Variants in LRP1B observed in about 807,000 individuals in gnomAD.
LRP1B encodes LDL receptor related protein 1B, also known as low-density lipoprotein receptor-related protein 1B.
In LRP1B, 217 loss-of-function variants were observed where a neutral mutation model predicts 556.6. The ratio of observed to expected loss-of-function variants is 0.39; its 90% confidence interval spans 0.35 to 0.44. The LOEUF (loss-of-function observed/expected upper bound fraction) is 0.44, where lower values mean the gene tolerates loss of function less well. Ranked by LOEUF, LRP1B falls within the 20% of genes least tolerant of loss-of-function variation. The pLI is 1.00. For missense variants in LRP1B, 5,053 were observed against 5,620.8 expected, an observed-to-expected ratio of 0.90 and a Z score of 3.23; for synonymous variants, 2,047 against 1,865.8, an observed-to-expected ratio of 1.10 and a Z score of -2.50.
chr2:141,051,049 G>A (rs189178182), intron 10 of LRP1B, among the ~76,000 whole-genome samples: 2 of 152,092 alleles, frequency 1.3e-5, no homozygotes, highest in Non-Finnish European at 2.9e-5. Context: ...CCTGTCATTA[G>A]AGAAATGCAA....
At chr2:141,476,350 T>C (rs570009091) in intron 3 of LRP1B, among the ~76,000 whole-genome samples, 1 of 152,244 alleles carries the variant, frequency 6.6e-6, no homozygotes, top group African/African-American at 2.4e-5. Flanking sequence ...ATTCTTTATA[T>C]GGTTGTGTGC....
At chr2:141,071,440 A>T (rs866345081) in intron 7 of LRP1B, among the ~76,000 whole-genome samples, 32 of 152,138 alleles carry the variant, frequency 2.1e-4, no homozygotes, top group Middle Eastern at 3.4e-3. Flanking sequence ...CTTTGAAAAC[A>T]GGCACAAGAC....
At chr2:140,751,459 A>C (rs1429630827) in intron 35 of LRP1B, among the ~76,000 whole-genome samples, 1 of 152,226 alleles carries the variant, frequency 6.6e-6, no homozygotes, top group Non-Finnish European at 1.5e-5. Context: ...GTGGTCCTCC[A>C]ATTTTCTATC....
At chr2:141,834,874 G>C (rs1410977219) in intron 1 of LRP1B, among the ~76,000 whole-genome samples, 1 of 151,932 alleles carries the variant, frequency 6.6e-6, no homozygotes, top group Non-Finnish European at 1.5e-5. Flanking sequence ...AAAAAGTGCA[G>C]AGTGAATAAG....
Position 140,578,678 on chromosome 2 carries a change from C to T in LRP1B, c.7194+19953G>A, listed in dbSNP as rs138343921. 2.0e-5 allele frequency among the ~76,000 whole-genome samples: 3 copies of T among 152,144 alleles called. No homozygotes were observed. The East Asian group carries it at 5.8e-4, about 29-fold the overall frequency. On this transcript the variant is annotated intron_variant, in intron 43 of 90. Coordinates refer to ENST00000389484, the MANE Select transcript of LRP1B (RefSeq NM_018557.3). The stretch of plus-strand genomic sequence containing the variant: ...ATGTGTGCAGCACACCAACATGGCA[C>T]ATGTATACATATGTAACAAACCTGC...
In LRP1B at chr2:140,621,534, T is replaced by A. The variant is rs1559011449; in HGVS notation, c.6800-19895A>T. 2.0e-5 allele frequency among the ~76,000 whole-genome samples: 3 copies of A among 152,246 alleles called. No homozygotes were observed. In the East Asian group the frequency reaches 5.8e-4, roughly 29 times the overall value. ...CTAAAGGTGTTAGATGCCTACCATCTTGATTAAATTTATTCTACCCATGAA... is the reference window on the plus strand; with the variant it reads ...CTAAAGGTGTTAGATGCCTACCATCATGATTAAATTTATTCTACCCATGAA... On this transcript the variant is annotated intron_variant, in intron 41 of 90. Transcript: ENST00000389484.
intron 2 of LRP1B, among the ~76,000 whole-genome samples, chr2:141,643,495 A>T (rs1377953604): frequency 6.6e-6 from 1 of 152,202 alleles, no homozygotes; most frequent in Non-Finnish European, 1.5e-5. Flanking sequence ...TCAGAAATGT[A>T]GGTTTGTGGG....
Position 142,015,991 on chromosome 2 carries a change from CAAAAAAAA to C in LRP1B, c.82+114649_82+114656del, listed in dbSNP as rs70994471. Among the ~76,000 whole-genome samples, 3 of 38,790 alleles carry C rather than the reference CAAAAAAAA, an allele frequency of 7.7e-5. 1 individual carries two copies. The highest frequency in any genetic ancestry group is 1.0e-4 in the African/African-American group (1 of 9,676). The allele number at this position is 38,790 out of a possible 152,430, so 25.4% of individuals were successfully genotyped here. A position where few individuals can be genotyped will look rare whatever the true frequency, so the allele number is the denominator to read the frequency against. On this transcript the variant is annotated intron_variant, in intron 1 of 90. Transcript: ENST00000389484. ...TGGGCAACAGCGCGAGACTCCATCTCAAAAAAAAAAAAAAAAAAAAAGTGGGTGAAGGA... is the reference window on the plus strand; with the variant it reads ...TGGGCAACAGCGCGAGACTCCATCTCAAAAAAAAAAAAAGTGGGTGAAGGA...
At chr2:140,304,531 G>A (rs1163487388) in intron 83 of LRP1B, among the ~76,000 whole-genome samples, 2 of 152,104 alleles carry the variant, frequency 1.3e-5, no homozygotes, top group Non-Finnish European at 2.9e-5. Flanking sequence ...ATTTGTTTGA[G>A]TTCTTTGTAG....
At chr2:140,897,641 G>A (rs1693990214) in intron 23 of LRP1B, among the ~76,000 whole-genome samples, 1 of 152,140 alleles carries the variant, frequency 6.6e-6, no homozygotes, top group Non-Finnish European at 1.5e-5. Flanking sequence ...TAGGATAAAA[G>A]CAGGCAGAGG....
intron 35 of LRP1B, among the ~76,000 whole-genome samples, chr2:140,718,756 G>A (rs111982094): frequency 0.02 from 3,020 of 151,704 alleles, 100 homozygotes; most frequent in African/African-American, 0.07. Context: ...ATCCTCCCTC[G>A]CCTAATTTTC....
chr2:141,276,066 A>G (rs572870007), intron 3 of LRP1B, among the ~76,000 whole-genome samples: 1 of 152,356 alleles, frequency 6.6e-6, no homozygotes, highest in African/African-American at 2.4e-5. Flanking sequence ...TTCATCAAAC[A>G]AAAGTATTCA....
chr2:140,544,436 T>C (rs1239755263), intron 43 of LRP1B, among the ~76,000 whole-genome samples: 2 of 151,992 alleles, frequency 1.3e-5, no homozygotes, highest in South Asian at 2.1e-4. Context: ...TACCCACTGA[T>C]TATTTTCATT....
At chr2:141,967,924 T>C (rs917118642) in intron 1 of LRP1B, among the ~76,000 whole-genome samples, 2 of 151,868 alleles carry the variant, frequency 1.3e-5, no homozygotes, top group African/African-American at 2.4e-5. Context: ...ATTTTTATCA[T>C]AGTATATGTT....
In LRP1B at chr2:140,989,563, G is replaced by T; in HGVS notation, c.2739C>A (p.Ser913Arg). 1.2e-6 allele frequency: 2 copies of T among 1,613,230 alleles called. No homozygotes were observed. Among genetic ancestry groups the T allele is most frequent in the Non-Finnish European group, 1.7e-6 (2 of 1,179,434 alleles). ...AAGTTTGATTGGATTCATCTTCATTGCTCCCACAGTCATTAGCTCCATCAC... is the reference window on the plus strand; with the variant it reads ...AAGTTTGATTGGATTCATCTTCATTTCTCCCACAGTCATTAGCTCCATCAC... ...WLCDGANDCG[S>R]NEDESNQTCT... The change falls in exon 17 of 91, where the codon AGC becomes AGA. Residue 913 changes from serine (S) to arginine (R), a missense_variant. This residue lies in a region of LRP1B where 3,619 missense variants were observed against 3,931.9 expected (regional missense o/e 0.92). Coordinates refer to ENST00000389484, the MANE Select transcript of LRP1B (RefSeq NM_018557.3).
At position 140,851,637 on chromosome 2, in the gene LRP1B, C is replaced by A; in HGVS notation, c.4711+15G>T. 6.2e-7 allele frequency: 1 copy of A among 1,603,206 alleles called. No homozygotes were observed. The highest frequency in any genetic ancestry group is 8.5e-7 in the Non-Finnish European group (1 of 1,176,542). ...ATTTTGTTTTTATTTTCGATTAGAA[C>A]TGTAAGAAATTTACCATAGCAGGTC... On this transcript the variant is annotated intron_variant, in intron 28 of 90. Transcript: ENST00000389484.
At chr2:141,485,114 T>G (rs1169732575) in intron 2 of LRP1B, among the ~76,000 whole-genome samples, 1 of 152,132 alleles carries the variant, frequency 6.6e-6, no homozygotes, top group Non-Finnish European at 1.5e-5. Flanking sequence ...TTATTCCTAG[T>G]GGTAAAGTTT....
At chr2:141,235,415 G>A (rs879882575) in intron 5 of LRP1B, among the ~76,000 whole-genome samples, 1 of 152,032 alleles carries the variant, frequency 6.6e-6, no homozygotes, top group African/African-American at 2.4e-5. Context: ...CATAAAAGAC[G>A]TATCATCTCA....
At chr2:141,311,920 C>G (rs1228949401) in intron 3 of LRP1B, among the ~76,000 whole-genome samples, 1 of 152,088 alleles carries the variant, frequency 6.6e-6, no homozygotes, top group Non-Finnish European at 1.5e-5. Context: ...GTGGAAGCTC[C>G]TTTGGGACAG....
Sources: allele counts gnomAD v4.1 joint callset (sites outside exome capture counted in the v4.1 genomes callset), GRCh38; gene constraint gnomAD v4.1.1; regional missense constraint gnomAD v4.1.1; transcripts MANE v1.5; gene names NCBI Gene and HGNC (gene_info 2026-07-23, HGNC 2026-07-21).